The following SMIM17 variants were observed in gnomAD, a reference collection of about 807,000 sequenced individuals.
SMIM17 encodes the protein small integral membrane protein 17.
SMIM17 carries 10 observed loss-of-function variants against 12.2 expected under a neutral mutation model. The observed-to-expected ratio is 0.82, with a 90% confidence interval of 0.50 to 1.39. The LOEUF is 1.39. Among genes scored for constraint, SMIM17 ranks in the 40% most tolerant of loss-of-function variants. The pLI, the probability that SMIM17 is intolerant of heterozygous loss-of-function variation, is 0.00. For synonymous variants in SMIM17, 50 were observed against 44.1 expected (o/e 1.13, Z -0.53); for missense variants, 136 against 118.2 (o/e 1.15, Z -0.70).
chr19:56,645,721 C>T lies in SMIM17; in HGVS notation c.54C>T (p.Thr18=). Residue 18 remains threonine, a synonymous_variant, in exon 2 of 4, where the codon ACC becomes ACT. Transcript: ENST00000598409. ...GGGGGCTGCTGGAGCCTGAGAGGAC[C>T]AAGACTCTGCTGCCTCGGGAGAGCC... ...QTRGLLEPER[T]KTLLPRESRA... is the part of the protein sequence containing the mutation. 3 of 1,535,718 alleles carry T rather than the reference C, an allele frequency of 2.0e-6. No individual in the cohort carries two copies. The East Asian group carries it at 7.3e-5, about 38-fold the overall frequency.
chr19:56,649,918 A>G (rs1402605497), intron 3 of SMIM17, among the ~76,000 whole-genome samples: 1 of 152,086 alleles, frequency 6.6e-6, no homozygotes, highest in Non-Finnish European at 1.5e-5. Context: ...GACTCCTCTC[A>G]CTGCTAAGTC....
rs1254251205 is a variant in SMIM17 at position 56,655,140 on chromosome 19, C to A, written c.284C>A (p.Thr95Asn). 1 of 702,152 alleles carries A rather than the reference C, an allele frequency of 1.4e-6. No individual in the cohort carries two copies. The highest frequency in any genetic ancestry group is 2.6e-6 in the Non-Finnish European group (1 of 384,532). 43.5% of individuals were successfully genotyped at this position (702,152 alleles called of 1,614,324 possible). A position where few individuals can be genotyped will look rare whatever the true frequency, so the allele number is the denominator to read the frequency against. Residue 95 changes from threonine (T) to asparagine (N), a missense_variant, in exon 4 of 4, where the codon ACC (threonine) becomes AAC (asparagine). Thr to Asn is a moderately conservative substitution (Grantham distance 65, BLOSUM62 0). Coordinates refer to ENST00000598409, the MANE Select transcript of SMIM17 (RefSeq NM_001193628.2). Reference protein sequence around the residue: ...VEWSKAPQQTTIVLVVCVLFL... With the variant: ...VEWSKAPQQTNIVLVVCVLFL... ...TGGTCAAAAGCTCCACAACAAACAA[C>A]CATAGTCTTGGTAGTGTGCGTGCTT...
chr19:56,655,271 A>G lies in SMIM17; in HGVS notation c.*58A>G, dbSNP rs780800911. ...TTTAATGAAATAGATGCCCTATGTCATGTTAAGGAATTGTGCTAGTTAAAA... is the reference window on the plus strand; with the variant it reads ...TTTAATGAAATAGATGCCCTATGTCGTGTTAAGGAATTGTGCTAGTTAAAA... On this transcript the variant is annotated 3_prime_UTR_variant, in exon 4 of 4. Transcript: ENST00000598409. 2 of 667,394 alleles carry G rather than the reference A, an allele frequency of 3.0e-6. No individual in the cohort carries two copies. Among genetic ancestry groups the G allele is most frequent in the African/African-American group, 1.8e-5 (1 of 56,442 alleles). The allele number at this position is 667,394 out of a possible 1,614,324, so 41.3% of individuals were successfully genotyped here.
chr19:56,648,100 TC>T (rs2045079570), intron 3 of SMIM17, among the ~76,000 whole-genome samples: 1 of 138,734 alleles, frequency 7.2e-6, no homozygotes, highest in African/African-American at 2.8e-5. Context: ...CATCCATCCA[TC>T]CATCCCTATA....
rs2045155563 is a variant in SMIM17 at position 56,656,893 on chromosome 19, A to G, written c.*1680A>G. ...GGCCTAGAACATGTCCATTTTTTGT[A>G]ATTGTTTCACGAACATTTAAGATGA... On this transcript the variant is annotated 3_prime_UTR_variant, in exon 4 of 4. Transcript: ENST00000598409. 6.6e-6 allele frequency among the ~76,000 whole-genome samples: 1 copy of G among 152,158 alleles called. No individual in the cohort carries two copies. The highest frequency in any genetic ancestry group is 6.5e-5 in the Admixed American group (1 of 15,270).
In SMIM17 at chr19:56,645,700, G is replaced by A; in HGVS notation, c.33G>A (p.Gly11=). ...GTCTCAGGCCTGAGCAGACACGGGGGCTGCTGGAGCCTGAGAGGACCAAGA... is the reference window on the plus strand; with the variant it reads ...GTCTCAGGCCTGAGCAGACACGGGGACTGCTGGAGCCTGAGAGGACCAAGA... MQSLRPEQTR[G]LLEPERTKTL... The change falls in exon 2 of 4, where the codon GGG becomes GGA. Residue 11 remains glycine, a synonymous_variant. Transcript: ENST00000598409. 6.5e-7 allele frequency: 1 copy of A among 1,534,776 alleles called. No individual in the cohort carries two copies. The highest frequency in any genetic ancestry group is 8.7e-7 in the Non-Finnish European group (1 of 1,146,554).
chr19:56,647,010 A>G (rs1330861530), intron 2 of SMIM17, among the ~76,000 whole-genome samples: 5 of 152,160 alleles, frequency 3.3e-5, no homozygotes. Context: ...GTGCAGAAAG[A>G]GTGGAAAATG....
intron 3 of SMIM17, among the ~76,000 whole-genome samples, chr19:56,650,006 G>T (rs1309993655): frequency 3.3e-5 from 5 of 152,062 alleles, no homozygotes; most frequent in Non-Finnish European, 7.4e-5. Flanking sequence ...GAATCACTCT[G>T]GGAGCCCATG....
Position 56,655,340 on chromosome 19 carries a change from C to T in SMIM17, c.*127C>T, listed in dbSNP as rs2045141705. On this transcript the variant is annotated 3_prime_UTR_variant, in exon 4 of 4. Coordinates refer to ENST00000598409, the MANE Select transcript of SMIM17 (RefSeq NM_001193628.2). ...ATATTTTCAAATGCCTTTCAAACAT[C>T]CTTTGAGATGATTTTTAAAAAATTT... 5 of 500,004 alleles carry T rather than the reference C, an allele frequency of 1.0e-5. No individual in the cohort carries two copies. In the Admixed American group the frequency reaches 1.4e-4, roughly 14 times the overall value. 31.0% of individuals were successfully genotyped at this position (500,004 alleles called of 1,614,324 possible).
At chr19:56,646,760 G>A in intron 2 of SMIM17, among the ~76,000 whole-genome samples, 1 of 152,196 alleles carries the variant, frequency 6.6e-6, no homozygotes, top group East Asian at 1.9e-4. Flanking sequence ...TGGATGTGGA[G>A]AAGGGGAGGA....
chr19:56,644,827 C>T (rs887006072), intron 1 of SMIM17, among the ~76,000 whole-genome samples: 2 of 152,192 alleles, frequency 1.3e-5, no homozygotes, highest in African/African-American at 4.8e-5. Context: ...GGCTGGAGTG[C>T]AGTGGCACGA....
chr19:56,649,739 T>G (rs554151024), intron 3 of SMIM17, among the ~76,000 whole-genome samples: 1 of 151,580 alleles, frequency 6.6e-6, no homozygotes, highest in African/African-American at 2.4e-5. Flanking sequence ...GTGGTCAGTG[T>G]GGCTGGAGGG....
intron 3 of SMIM17, among the ~76,000 whole-genome samples, chr19:56,649,636 A>G (rs1187939420): frequency 6.6e-6 from 1 of 152,108 alleles, no homozygotes; most frequent in Non-Finnish European, 1.5e-5. Flanking sequence ...GCAGATGTCT[A>G]GGGAGAGCGG....
chr19:56,647,540 A>T lies in SMIM17; in HGVS notation c.170-18A>T. The T allele has an allele frequency of 6.5e-7, 1 of 1,528,674 alleles. No homozygotes were observed. Among genetic ancestry groups the T allele is most frequent in the Middle Eastern group, 1.7e-4 (1 of 5,898 alleles). The allele number at this position is 1,528,674 out of a possible 1,614,324, so 94.7% of individuals were successfully genotyped here. A position where few individuals can be genotyped will look rare whatever the true frequency, so the allele number is the denominator to read the frequency against. Reference sequence around the variant, plus strand: ...CTCACTCATGGCTCCTTTTTCCTCCACTCCCACCCTCACCCAGACCTGTCT... The same window carrying T: ...CTCACTCATGGCTCCTTTTTCCTCCTCTCCCACCCTCACCCAGACCTGTCT... On this transcript the variant is annotated intron_variant, in intron 2 of 3. Coordinates refer to ENST00000598409, the MANE Select transcript of SMIM17 (RefSeq NM_001193628.2).
At position 56,645,772 on chromosome 19, in the gene SMIM17, C is replaced by T. The variant is rs61749984; in HGVS notation, c.105C>T (p.Pro35=). The T allele has an allele frequency of 5.8e-3, 8,920 of 1,535,898 alleles. 218 individuals carry two copies. The African/African-American group carries it at 0.073, about 13-fold the overall frequency. Residue 35 remains proline (P), a synonymous_variant, in exon 2 of 4, where the codon CCC becomes CCT. Coordinates refer to ENST00000598409, the MANE Select transcript of SMIM17 (RefSeq NM_001193628.2). The part of the protein sequence containing the change: ...ESRAWEKPPH[P]ACTKDWEAVE... ...GGGCCTGGGAGAAGCCTCCTCATCC[C>T]GCCTGCACCAAAGACTGGGAGGCTG...
chr19:56,652,264 G>A (rs1281443843), intron 3 of SMIM17, among the ~76,000 whole-genome samples: 1 of 152,134 alleles, frequency 6.6e-6, no homozygotes, highest in Non-Finnish European at 1.5e-5. Flanking sequence ...GAGGGAAGCT[G>A]GAGAGGGGAG....
chr19:56,647,800 A>G (rs1321662342), intron 3 of SMIM17, among the ~76,000 whole-genome samples, 166 bp downstream of exon 3: 1 of 152,058 alleles, frequency 6.6e-6, no homozygotes, highest in Non-Finnish European at 1.5e-5. Flanking sequence ...GAGGGTCTCC[A>G]TGTGGTGTGT....
At chr19:56,647,206 C>T (rs2045069918) in intron 2 of SMIM17, among the ~76,000 whole-genome samples, 1 of 152,100 alleles carries the variant, frequency 6.6e-6, no homozygotes, top group Non-Finnish European at 1.5e-5. Context: ...AGAGAAGGAA[C>T]TCTTTTATCT....
At chr19:56,647,351 A>ATGTGTG (rs2045071120) in intron 2 of SMIM17, among the ~76,000 whole-genome samples, 1 of 150,246 alleles carries the variant, frequency 6.7e-6, no homozygotes, top group African/African-American at 2.5e-5. Context: ...ACATAGGCAT[A>ATGTGTG]TGTGTGTTTG....
Sources: gnomAD v4.1 joint callset for allele counts (sites outside exome capture counted in the v4.1 genomes callset) on GRCh38, gnomAD v4.1.1 for gene constraint, MANE v1.5 for transcripts, NCBI Gene and HGNC (gene_info 2026-07-23, HGNC 2026-07-21) for gene names.